BCAR3: variants seen among roughly 807,000 people sequenced by gnomAD.
BCAR3 encodes the protein BCAR3 adaptor protein, NSP family member.
Under a neutral mutation model 80.1 loss-of-function variants are expected in BCAR3, and 37 were observed. The ratio of observed to expected loss-of-function variants is 0.46; its 90% confidence interval spans 0.36 to 0.61. The LOEUF is 0.61. Among genes scored for constraint, BCAR3 ranks in the 20% least tolerant of loss-of-function variants. BCAR3 has a pLI of 0.00. For missense variants in BCAR3, 978 were observed against 1,068.2 expected (o/e 0.92, Z 1.18); for synonymous variants, 389 against 418.9 (o/e 0.93, Z 0.87).
intron 2 of BCAR3, among the ~76,000 whole-genome samples, chr1:93,813,982 CT>C (rs1653934102): frequency 6.6e-6 from 1 of 152,148 alleles, no homozygotes; most frequent in African/African-American, 2.4e-5. Context: ...CAGACTGCCC[CT>C]GATTTTGAGT....
At chr1:93,721,901 G>A (rs1475500005) in intron 2 of BCAR3, among the ~76,000 whole-genome samples, 4 of 152,208 alleles carry the variant, frequency 2.6e-5, no homozygotes, top group Admixed American at 2.0e-4. Flanking sequence ...CTGGCTATGA[G>A]GACTAAAGGA....
rs2137623 is a variant in BCAR3, at chr1:93,589,070, G to A, written c.836C>T (p.Thr279Ile). The change falls in exon 5 of 12, where the codon ACC (threonine) becomes ATC (isoleucine). Residue 279 changes from threonine (T) to isoleucine (I), a missense_variant. Thr to Ile is a moderately conservative substitution (Grantham distance 89). Transcript: ENST00000260502. ...CTTGGCCACATCCGGCCTTCCCTTG[G>A]TGAGGCTGCCCTCCCGGGCCTGGCC... Reference protein sequence around the residue: ...SPGQAREGSLTKGRPDVAKRL... With the variant: ...SPGQAREGSLIKGRPDVAKRL... The A allele has an allele frequency of 3.2e-3, 5,102 of 1,612,370 alleles. 54 individuals are homozygous for A. Among genetic ancestry groups the A allele is most frequent in the African/African-American group, 0.028 (2,091 of 75,026 alleles).
At chr1:93,619,853 T>A (rs1027467210) in intron 3 of BCAR3, among the ~76,000 whole-genome samples, 1 of 152,020 alleles carries the variant, frequency 6.6e-6, no homozygotes, top group Admixed American at 6.5e-5. Context: ...ACCCTGGAGG[T>A]AGGAGGCTAG....
intron 2 of BCAR3, among the ~76,000 whole-genome samples, chr1:93,777,761 A>G (rs1478420025): frequency 6.6e-6 from 1 of 152,160 alleles, no homozygotes; most frequent in Non-Finnish European, 1.5e-5. Context: ...GAATACTCCT[A>G]TAGAAAGAAA....
intron 2 of BCAR3, among the ~76,000 whole-genome samples, chr1:93,834,494 C>T (rs1654693172): frequency 1.3e-5 from 2 of 152,134 alleles, no homozygotes; most frequent in Non-Finnish European, 2.9e-5. Context: ...TAACTCATCC[C>T]AACCTTTTTC....
At chr1:93,789,684 G>A (rs1376092642) in intron 2 of BCAR3, among the ~76,000 whole-genome samples, 4 of 152,156 alleles carry the variant, frequency 2.6e-5, no homozygotes, top group African/African-American at 9.7e-5. Flanking sequence ...TTACGCTATT[G>A]TTCACCCCTA....
intron 2 of BCAR3, among the ~76,000 whole-genome samples, chr1:93,778,132 C>T (rs939308897): frequency 9.9e-5 from 15 of 152,144 alleles, no homozygotes; most frequent in Non-Finnish European, 1.6e-4. Flanking sequence ...ATATGCAATT[C>T]CTCCTCTGGA....
intron 2 of BCAR3, among the ~76,000 whole-genome samples, chr1:93,664,270 C>A (rs1220149546): frequency 1.3e-5 from 2 of 152,174 alleles, no homozygotes; most frequent in Non-Finnish European, 2.9e-5. Flanking sequence ...CAGACATGCA[C>A]CACCACGCCC....
chr1:93,735,136 T>C (rs1243321240), intron 2 of BCAR3, among the ~76,000 whole-genome samples: 2 of 152,238 alleles, frequency 1.3e-5, no homozygotes, highest in Admixed American at 6.5e-5. Context: ...GTTGATGCAA[T>C]GCAAACAATG....
chr1:93,646,693 T>C (rs575655745), intron 2 of BCAR3: 2 of 152,184 alleles, frequency 1.3e-5, no homozygotes, highest in East Asian at 1.9e-4. Context: ...TTATCAACTA[T>C]AAAACCCAGC....
chr1:93,802,919 T>A (rs1336595927), intron 2 of BCAR3, among the ~76,000 whole-genome samples: 1 of 152,182 alleles, frequency 6.6e-6, no homozygotes, highest in East Asian at 1.9e-4. Flanking sequence ...CCTTCTCCTT[T>A]GTCTGCAACC....
intron 2 of BCAR3, among the ~76,000 whole-genome samples, chr1:93,729,016 T>C (rs1393263033): frequency 1.3e-5 from 2 of 152,190 alleles, no homozygotes; most frequent in Non-Finnish European, 2.9e-5. Context: ...AGGACCATGC[T>C]CTTCCTTTCT....
chr1:93,567,684 C>T (rs976544127), intron 10 of BCAR3, 56 bp downstream of exon 10: 7 of 1,529,902 alleles, frequency 4.6e-6, no homozygotes, highest in Non-Finnish European at 5.4e-6. Flanking sequence ...GCCCTGTGTA[C>T]TTGTACTCCA....
chr1:93,697,845 G>A (rs1220820141), intron 3 of BCAR3, among the ~76,000 whole-genome samples: 1 of 152,182 alleles, frequency 6.6e-6, no homozygotes. Flanking sequence ...AGGCATGGTG[G>A]CGCATGCCTG....
chr1:93,800,484 G>A (rs1460437483), intron 2 of BCAR3, among the ~76,000 whole-genome samples: 1 of 152,078 alleles, frequency 6.6e-6, no homozygotes, highest in African/African-American at 2.4e-5. Context: ...GCTGAGGGAG[G>A]AGAATTGGTT....
chr1:93,710,608 T>C (rs1006555230), intron 2 of BCAR3, among the ~76,000 whole-genome samples: 15 of 152,152 alleles, frequency 9.9e-5, no homozygotes, highest in Non-Finnish European at 2.2e-4. Context: ...TCGGCCTCAT[T>C]TGCTCTCTGA....
chr1:93,581,163 G>GA (rs66616010), intron 7 of BCAR3, among the ~76,000 whole-genome samples: 6,729 of 122,452 alleles, frequency 0.055, 493 homozygotes, highest in African/African-American at 0.18. Flanking sequence ...CCCTGTCTCA[G>GA]AAAAAAAAAA....
chr1:93,642,217 G>T (rs563015476), intron 3 of BCAR3, 87 bp downstream of exon 3: 3 of 1,433,030 alleles, frequency 2.1e-6, no homozygotes, highest in East Asian at 2.3e-5. Flanking sequence ...CACAAACCAG[G>T]CTGCAGCATT....
chr1:93,786,192 CAAA>C lies in BCAR3; in HGVS notation c.-63+59372_-63+59374del, dbSNP rs61644309. 5.4e-3 allele frequency among the ~76,000 whole-genome samples: 126 copies of C among 23,244 alleles called. 3 individuals carry two copies. Among genetic ancestry groups the C allele is most frequent in the African/African-American group, 0.024 (123 of 5,080 alleles). 15.2% of individuals were successfully genotyped at this position (23,244 alleles called of 152,430 possible). ...TGGGCGTCAGAGCGAGACTCCGTCT[CAAA>C]AAAAAAAAAAAAAAAAAAAAAAAAG... On this transcript the variant is annotated intron_variant, in intron 2 of 13. Coordinates refer to the BCAR3 transcript ENST00000370244.
Sources: gnomAD v4.1 joint callset for allele counts (sites outside exome capture counted in the v4.1 genomes callset) on GRCh38, gnomAD v4.1.1 for gene constraint, MANE v1.5 for transcripts, NCBI Gene and HGNC (gene_info 2026-07-23, HGNC 2026-07-21) for gene names.